The following NUDT11 variants were observed in gnomAD, a reference collection of about 807,000 sequenced individuals.
The protein encoded by NUDT11 is diphosphoinositol polyphosphate phosphohydrolase 3-beta.
NUDT11 carries 1 observed loss-of-function variant against 10.0 expected under a neutral mutation model. The observed-to-expected ratio is 0.10, with a 90% confidence interval of 0.04 to 0.47. The LOEUF (loss-of-function observed/expected upper bound fraction) is 0.47, where lower values mean the gene tolerates loss of function less well. Among genes scored for constraint, NUDT11 ranks in the 20% least tolerant of loss-of-function variants. The probability of loss-of-function intolerance (pLI) is 0.96; values close to 1 mark genes in which losing one functional copy is unlikely to be tolerated. For synonymous variants in NUDT11, 63 were observed against 65.9 expected (o/e 0.96, Z 0.21); for missense variants, 47 against 140.4 (o/e 0.33, Z 3.36).
At chrX:51,492,413 C>CT (rs1390527229) in intron 1 of NUDT11, among the ~76,000 whole-genome samples, 1 of 107,994 alleles carries the variant, frequency 9.3e-6, no homozygotes, top group Non-Finnish European at 1.9e-5. Context: ...GTCGCCCAGG[C>CT]TGGAGTGATC....
rs782162651 is a variant in NUDT11, at chrX:51,492,997, T to A, written c.*-1248A>T. On this transcript the variant is annotated intron_variant, in intron 1 of 1. Transcript: ENST00000375992. The stretch of plus-strand genomic sequence containing the variant: ...AAAGAATTTAAAACCTTTACATCAA[T>A]TGTTGCAAATGAATCTATGCAAATA... Among the ~76,000 whole-genome samples, 4 of 112,693 alleles carry A rather than the reference T, an allele frequency of 3.5e-5. No homozygotes were observed. The South Asian group carries it at 1.1e-3, about 31-fold the overall frequency.
At chrX:51,494,010 A>G (rs1557326415) in intron 1 of NUDT11, among the ~76,000 whole-genome samples, 1 of 112,031 alleles carries the variant, frequency 8.9e-6, no homozygotes, top group East Asian at 2.8e-4. Context: ...GGTCAATATT[A>G]ATGTAGAAAC....
At chrX:51,493,583 C>A (rs1415907523) in intron 1 of NUDT11, among the ~76,000 whole-genome samples, 2 of 111,571 alleles carry the variant, frequency 1.8e-5, no homozygotes, top group African/African-American at 6.5e-5. Context: ...TGTACTAATG[C>A]TTTTAACTTG....
chrX:51,491,824 T>C, intron 1 of NUDT11, 75 bp from the exon 2 acceptor site: 1 of 568,052 alleles, frequency 1.8e-6, no homozygotes, highest in Admixed American at 2.2e-5. Flanking sequence ...TACCAAGAGC[T>C]TATTATGTAC....
At chrX:51,491,853 A>C in intron 1 of NUDT11, 104 bp from the exon 2 acceptor site, 1 of 556,011 alleles carries the variant, frequency 1.8e-6, no homozygotes, top group South Asian at 2.4e-5. Flanking sequence ...CTTTGCATCA[A>C]GCACTTCACT....
At chrX:51,495,893 G>C in intron 1 of NUDT11, 58 bp downstream of exon 1, 1 of 1,187,287 alleles carries the variant, frequency 8.4e-7, no homozygotes. Flanking sequence ...CTCCAGGCGG[G>C]ACGCATTTTA....
At chrX:51,494,046 A>T (rs782123995) in intron 1 of NUDT11, among the ~76,000 whole-genome samples, 1 of 111,813 alleles carries the variant, frequency 8.9e-6, no homozygotes, top group Admixed American at 9.5e-5. Flanking sequence ...TAATTAGGTT[A>T]TTGAGGAAAA....
chrX:51,492,320 G>C (rs1302991276), intron 1 of NUDT11, among the ~76,000 whole-genome samples: 3 of 110,421 alleles, frequency 2.7e-5, no homozygotes, highest in Non-Finnish European at 5.7e-5. Flanking sequence ...AACTAGATCT[G>C]TCTGACTTCA....
Position 51,496,586 on chromosome X carries a change from T to C in NUDT11, c.-142A>G, listed in dbSNP as rs1455036067. On this transcript the variant is annotated 5_prime_UTR_variant, in exon 1 of 2. Coordinates refer to ENST00000375992, the MANE Select transcript of NUDT11 (RefSeq NM_018159.4). ...CGAGGGGCGGGGAAAGAGAGGCGCC[T>C]CCGTCTGCCCGCGAGCCCGGGGAGC... 2.0e-6 allele frequency: 2 copies of C among 1,010,301 alleles called. No individual in the cohort carries two copies. The highest frequency in any genetic ancestry group is 1.3e-6 in the Non-Finnish European group (1 of 765,152). The allele number at this position is 1,010,301 out of a possible 1,213,427, so 83.3% of individuals were successfully genotyped here. A position where few individuals can be genotyped will look rare whatever the true frequency, so the allele number is the denominator to read the frequency against.
At chrX:51,492,934 T>A (rs181104888) in intron 1 of NUDT11, among the ~76,000 whole-genome samples, 1 of 112,699 alleles carries the variant, frequency 8.9e-6, no homozygotes, top group Admixed American at 9.4e-5. Flanking sequence ...GTAAACAAAT[T>A]GGCATTCTTA....
chrX:51,495,179 T>C (rs1229119364), intron 1 of NUDT11, among the ~76,000 whole-genome samples: 6 of 111,801 alleles, frequency 5.4e-5, no homozygotes, highest in Non-Finnish European at 7.5e-5. Flanking sequence ...AAGTCAGCAG[T>C]GAAAAATTAC....
chrX:51,495,880 G>T (rs1925692255), intron 1 of NUDT11, 71 bp downstream of exon 1: 3 of 1,172,826 alleles, frequency 2.6e-6, no homozygotes. Flanking sequence ...GGCACGAGAG[G>T]TGCTCCAGGC....
intron 1 of NUDT11, among the ~76,000 whole-genome samples, chrX:51,493,387 C>T (rs1360098925): frequency 9.0e-6 from 1 of 111,655 alleles, no homozygotes; most frequent in East Asian, 2.8e-4. Flanking sequence ...CAAGTGAACT[C>T]TACTACTCTT....
At chrX:51,492,485 T>C (rs1439383465) in intron 1 of NUDT11, among the ~76,000 whole-genome samples, 1 of 110,154 alleles carries the variant, frequency 9.1e-6, no homozygotes, top group Non-Finnish European at 1.9e-5. Context: ...ACCTCCCAAA[T>C]AGAAGGTATT....
At position 51,490,855 on chromosome X, in the gene NUDT11, T is replaced by C. The variant is rs1490782531; in HGVS notation, c.*894A>G. 1 of 112,190 alleles carries C rather than the reference T, an allele frequency of 8.9e-6. No individual in the cohort carries two copies. Among genetic ancestry groups the C allele is most frequent in the Non-Finnish European group, 1.9e-5 (1 of 53,247 alleles). The allele number at this position is 112,190 out of a possible 1,213,427, so 9.2% of individuals were successfully genotyped here. A position where few individuals can be genotyped will look rare whatever the true frequency, so the allele number is the denominator to read the frequency against. On this transcript the variant is annotated 3_prime_UTR_variant, in exon 2 of 2. Coordinates refer to ENST00000375992, the MANE Select transcript of NUDT11 (RefSeq NM_018159.4). ...GGAAACTGCCTATGATATAGCCTGTTGGCTCTGGCATCAAATAATACAGTA... is the reference window on the plus strand; with the variant it reads ...GGAAACTGCCTATGATATAGCCTGTCGGCTCTGGCATCAAATAATACAGTA...
chrX:51,495,400 G>A (rs1557326543), intron 1 of NUDT11, among the ~76,000 whole-genome samples: 1 of 111,384 alleles, frequency 9.0e-6, no homozygotes, highest in Non-Finnish European at 1.9e-5. Flanking sequence ...CTGACAACAA[G>A]GGCGAACGCT....
intron 1 of NUDT11, among the ~76,000 whole-genome samples, chrX:51,494,400 T>C (rs1219036705): frequency 8.9e-6 from 1 of 112,133 alleles, no homozygotes; most frequent in Non-Finnish European, 1.9e-5. Flanking sequence ...GCAGAAAATA[T>C]TTTGAGAAAC....
intron 1 of NUDT11, among the ~76,000 whole-genome samples, chrX:51,494,306 G>A (rs1476499472): frequency 8.9e-6 from 1 of 111,975 alleles, no homozygotes; most frequent in Non-Finnish European, 1.9e-5. Context: ...TATTTGATCA[G>A]ACCATGTAAT....
rs1381647348 is a variant in NUDT11, at chrX:51,491,298, T to C, written c.*451A>G. On this transcript the variant is annotated 3_prime_UTR_variant, in exon 2 of 2. Transcript: ENST00000375992. Reference sequence around the variant, plus strand: ...ACCTGATACACAAAAGCCACACACATGGTGCCTAGATAGCATATACTCTAC... The same window carrying C: ...ACCTGATACACAAAAGCCACACACACGGTGCCTAGATAGCATATACTCTAC... The C allele has an allele frequency of 8.5e-6, 1 of 118,080 alleles. No homozygotes were observed. The highest frequency in any genetic ancestry group is 2.6e-4 in the East Asian group (1 of 3,849). The allele number at this position is 118,080 out of a possible 1,213,427, so 9.7% of individuals were successfully genotyped here. A position where few individuals can be genotyped will look rare whatever the true frequency, so the allele number is the denominator to read the frequency against.
Sources: allele counts gnomAD v4.1 joint callset (sites outside exome capture counted in the v4.1 genomes callset), GRCh38; gene constraint gnomAD v4.1.1; transcripts MANE v1.5; gene names NCBI Gene and HGNC (gene_info 2026-07-23, HGNC 2026-07-21).